The following SHB variants were observed in gnomAD, a reference collection of about 807,000 sequenced individuals.
SHB encodes the protein SH2 domain containing adaptor protein B.
Under a neutral mutation model 52.3 loss-of-function variants are expected in SHB, and 20 were observed. The observed-to-expected ratio is 0.38, with a 90% CI of 0.27 to 0.56. The LOEUF is 0.56. Among genes scored for constraint, SHB ranks in the 20% least tolerant of loss-of-function variants. The probability of loss-of-function intolerance (pLI) is 0.71; values close to 1 mark genes in which losing one functional copy is unlikely to be tolerated. For synonymous variants in SHB, 397 were observed against 316.5 expected (o/e 1.25, Z -2.70); for missense variants, 825 against 723.3 (o/e 1.14, Z -1.61).
intron 4 of SHB, among the ~76,000 whole-genome samples, chr9:37,953,578 G>A (rs533841762): frequency 3.9e-5 from 6 of 152,092 alleles, no homozygotes; most frequent in South Asian, 4.1e-4. Context: ...GCTGTCCCAG[G>A]AGGGAAGGCA....
chr9:37,944,804 A>G (rs1397482250), intron 5 of SHB, among the ~76,000 whole-genome samples: 6 of 151,940 alleles, frequency 3.9e-5, no homozygotes, highest in Admixed American at 1.3e-4. Flanking sequence ...TCTGGGGAAC[A>G]CCTGCCTTCT....
chr9:38,039,851 G>A (rs7045188), intron 1 of SHB, among the ~76,000 whole-genome samples: 1,973 of 152,362 alleles, frequency 0.013, 41 homozygotes, highest in African/African-American at 0.045. Flanking sequence ...TGGAGCTCGA[G>A]GGGCGAGGGG....
chr9:38,050,858 C>G (rs1821729250), intron 1 of SHB, among the ~76,000 whole-genome samples: 1 of 149,780 alleles, frequency 6.7e-6, no homozygotes, highest in Admixed American at 6.6e-5. Context: ...CAGGCAGATA[C>G]AAAAAAAAAG....
At chr9:38,012,339 G>T (rs1318460499) in intron 2 of SHB, among the ~76,000 whole-genome samples, 1 of 152,132 alleles carries the variant, frequency 6.6e-6, no homozygotes, top group Non-Finnish European at 1.5e-5. Context: ...TTACCAGCTG[G>T]GACGTCTTGG....
intron 4 of SHB, among the ~76,000 whole-genome samples, chr9:37,954,292 G>A (rs142396602): frequency 1.1e-3 from 172 of 152,324 alleles, no homozygotes; most frequent in Middle Eastern, 6.8e-3. Context: ...CCTGCTCACC[G>A]AGTGAGAATT....
chr9:38,067,946 C>T lies in SHB; in HGVS notation c.700G>A (p.Ala234Thr), dbSNP rs535348123. 8 of 1,542,146 alleles carry T rather than the reference C, an allele frequency of 5.2e-6. No homozygotes were observed. The East Asian group carries it at 1.5e-4, about 29-fold the overall frequency. Reference sequence around the variant, plus strand: ...CACCTTACCTTGTCCTTCTTGCCGGCCCCGCTCTCCTCCGCGGCTGAGGCG... The same window carrying T: ...CACCTTACCTTGTCCTTCTTGCCGGTCCCGCTCTCCTCCGCGGCTGAGGCG... ...CAASAAEESG[A>T]GKKDKVTIAD... The change falls in exon 1 of 6, where the codon GCC (alanine) becomes ACC (threonine). Residue 234 changes from alanine (A) to threonine (T), a missense_variant. By Grantham distance (58) the Ala-to-Thr change is moderately conservative. Transcript: ENST00000377707.
chr9:38,043,676 G>A (rs1489517809), intron 1 of SHB, among the ~76,000 whole-genome samples: 2 of 152,250 alleles, frequency 1.3e-5, no homozygotes, highest in Admixed American at 1.3e-4. Context: ...GATCACCTGA[G>A]GTCGGGAGTT....
rs113515061 is a variant in SHB at position 37,956,422 on chromosome 9, T to C, written c.1055-368A>G. Among the ~76,000 whole-genome samples, 891 of 152,278 alleles carry C rather than the reference T, an allele frequency of 5.9e-3. 5 individuals are homozygous for C. The highest frequency in any genetic ancestry group is 0.017 in the Middle Eastern group (5 of 294). On this transcript the variant is annotated intron_variant, in intron 3 of 5. Coordinates refer to ENST00000377707, the MANE Select transcript of SHB (RefSeq NM_003028.3). ...TCAGGGGAAAAAGCTGTTTCTTGTA[T>C]TGGGCCAAAAATCTGCCTCCAAGTG...
intron 3 of SHB, among the ~76,000 whole-genome samples, chr9:37,959,050 G>A (rs1018579995): frequency 1.3e-5 from 2 of 152,192 alleles, no homozygotes; most frequent in African/African-American, 4.8e-5. Flanking sequence ...ATCAGAGAAT[G>A]GGCTTTAGAG....
At chr9:38,054,516 C>T (rs1201768866) in intron 1 of SHB, among the ~76,000 whole-genome samples, 2 of 152,146 alleles carry the variant, frequency 1.3e-5, no homozygotes, top group East Asian at 1.9e-4. Flanking sequence ...TTACTTCATG[C>T]CCACAGGAAG....
chr9:37,972,127 T>C (rs185835366), intron 3 of SHB, among the ~76,000 whole-genome samples: 1 of 152,094 alleles, frequency 6.6e-6, no homozygotes, highest in African/African-American at 2.4e-5. Flanking sequence ...AGGGGGTCAG[T>C]CCAGGGGAGG....
intron 2 of SHB, among the ~76,000 whole-genome samples, chr9:38,004,550 G>A (rs2118049194): frequency 6.6e-6 from 1 of 152,328 alleles, no homozygotes; most frequent in East Asian, 1.9e-4. Flanking sequence ...CAGGCATGAT[G>A]AAGGCCATTC....
chr9:37,945,653 T>C (rs1258288046), intron 5 of SHB, among the ~76,000 whole-genome samples: 3 of 152,186 alleles, frequency 2.0e-5, no homozygotes, highest in African/African-American at 7.2e-5. Context: ...CAAATGACAG[T>C]TCCTGATAAT....
chr9:37,932,397 G>A (rs1832322651), intron 5 of SHB, among the ~76,000 whole-genome samples: 1 of 151,882 alleles, frequency 6.6e-6, no homozygotes, highest in African/African-American at 2.4e-5. Context: ...TTGGGGCAGG[G>A]TGGGGAGGAG....
intron 1 of SHB, among the ~76,000 whole-genome samples, chr9:38,057,258 C>T (rs1033634933): frequency 2.0e-5 from 3 of 151,806 alleles, no homozygotes; most frequent in Non-Finnish European, 2.9e-5. Flanking sequence ...CATGTCTTTA[C>T]GTTTAAAAAA....
intron 1 of SHB, among the ~76,000 whole-genome samples, chr9:38,030,607 T>C (rs572768568): frequency 8.7e-4 from 132 of 152,236 alleles, no homozygotes; most frequent in Non-Finnish European, 1.2e-3. Context: ...CACAGGTGAG[T>C]GGCCTGTGCA....
intron 4 of SHB, among the ~76,000 whole-genome samples, chr9:37,954,472 G>GT (rs1243528627): frequency 6.6e-6 from 1 of 151,626 alleles, no homozygotes; most frequent in Non-Finnish European, 1.5e-5. Context: ...TGAGCAAAGA[G>GT]TAAGTGGAGG....
intron 1 of SHB, among the ~76,000 whole-genome samples, chr9:38,043,953 TCAGGGC>T (rs1821613556): frequency 6.6e-6 from 1 of 151,768 alleles, no homozygotes; most frequent in African/African-American, 2.4e-5. Context: ...CAGAGAAAGC[TCAGGGC>T]CAGGCCTCAA....
intron 2 of SHB, among the ~76,000 whole-genome samples, chr9:38,012,062 G>A (rs1050589473): frequency 6.6e-6 from 1 of 152,164 alleles, no homozygotes; most frequent in African/African-American, 2.4e-5. Context: ...GAGGGCAGGG[G>A]TGAGAGGAGC....
Sources: allele counts gnomAD v4.1 joint callset (sites outside exome capture counted in the v4.1 genomes callset), GRCh38; gene constraint gnomAD v4.1.1; transcripts MANE v1.5; gene names NCBI Gene and HGNC (gene_info 2026-07-23, HGNC 2026-07-21).